Variants in ANKHD1 observed in about 807,000 individuals in gnomAD.
ANKHD1 encodes the protein ankyrin repeat and KH domain containing 1.
In ANKHD1, 31 loss-of-function variants were observed where a neutral mutation model predicts 230.5. That is an observed-to-expected ratio of 0.13 (90% CI 0.10 to 0.18). The LOEUF (loss-of-function observed/expected upper bound fraction) is 0.18. Among genes scored for constraint, ANKHD1 ranks in the 10% least tolerant of loss-of-function variants. The pLI is 1.00. For synonymous variants in ANKHD1, 1,074 were observed against 1,117.6 expected, an observed-to-expected ratio of 0.96 and a Z score of 0.78; for missense variants, 2,256 against 3,071.3, an observed-to-expected ratio of 0.73 and a Z score of 6.27.
intron 22 of ANKHD1, 126 bp downstream of exon 22, chr5:140,510,307 TTC>T: frequency 2.3e-5 from 25 of 1,097,090 alleles, no homozygotes; most frequent in South Asian, 4.8e-5. Flanking sequence ...TATCTTTCCA[TTC>T]TTTTTTTTTT....
chr5:140,431,872 C>T (rs1004009737), intron 1 of ANKHD1, among the ~76,000 whole-genome samples: 1 of 152,188 alleles, frequency 6.6e-6, no homozygotes, highest in African/African-American at 2.4e-5. Flanking sequence ...TTTGATTCTT[C>T]CCAAGCACTT....
intron 15 of ANKHD1, chr5:140,498,235 T>G (rs1255235078): frequency 6.6e-6 from 1 of 152,238 alleles, no homozygotes; most frequent in Non-Finnish European, 1.5e-5. Flanking sequence ...TTTTTTTCCT[T>G]ACTGTTGTCT....
At chr5:140,474,798 A>C (rs1380032165) in intron 10 of ANKHD1, among the ~76,000 whole-genome samples, 1 of 151,754 alleles carries the variant, frequency 6.6e-6, no homozygotes, top group Non-Finnish European at 1.5e-5. Context: ...AAGTCTTGCT[A>C]TCTTGCCCAG....
chr5:140,470,240 G>A (rs1385501583), intron 10 of ANKHD1, among the ~76,000 whole-genome samples: 2 of 149,708 alleles, frequency 1.3e-5, no homozygotes, highest in Admixed American at 6.6e-5. Flanking sequence ...TGTATCTTGT[G>A]TTAATTATTC....
chr5:140,466,672 G>A (rs766544659), intron 10 of ANKHD1, among the ~76,000 whole-genome samples: 14 of 152,124 alleles, frequency 9.2e-5, no homozygotes, highest in Non-Finnish European at 1.3e-4. Context: ...TAGGCCAGGC[G>A]CAGTGGCTCA....
intron 24 of ANKHD1, among the ~76,000 whole-genome samples, chr5:140,513,804 C>G (rs562779887): frequency 5.3e-5 from 4 of 75,580 alleles, no homozygotes; most frequent in South Asian, 5.9e-4. Flanking sequence ...GCGAGACTGT[C>G]TCAAAAAAAA....
In ANKHD1 at chr5:140,506,843, C is replaced by T; in HGVS notation, c.3417C>T (p.Asp1139=). The T allele has an allele frequency of 6.2e-7, 1 of 1,614,100 alleles. No homozygotes were observed. Among genetic ancestry groups the T allele is most frequent in the Admixed American group, 1.7e-5 (1 of 59,996 alleles). Residue 1139 remains aspartate, a synonymous_variant, in exon 19 of 34, where the codon GAC becomes GAT. Coordinates refer to ENST00000360839, the MANE Select transcript of ANKHD1 (RefSeq NM_017747.3). This position sits in a 1 kb window ranked among gnomAD's most constrained non-coding sequence, Gnocchi z 4.7. ...CATATTTTACTTTGTAGGTGGTAGA[C>T]TTGCTGCTGGCTCGAGGTGCAAATA... ...ACSGGRQEVV[D]LLLARGANKE...
In ANKHD1 at chr5:140,496,933, A is replaced by G; in HGVS notation, c.2659A>G (p.Ser887Gly). Reference sequence around the variant, plus strand: ...CTTCCCAGAAGGGGAAGGAGATGGTAGTCTCCCAGAGGATCACTTTTCAGA... The same window carrying G: ...CTTCCCAGAAGGGGAAGGAGATGGTGGTCTCCCAGAGGATCACTTTTCAGA... ...GVFPEGEGDG[S>G]LPEDHFSELP... is the part of the protein sequence containing the mutation. The change falls in exon 15 of 34, where the codon AGT becomes GGT. Residue 887 changes from serine to glycine, a missense_variant. Ser to Gly is a moderately conservative substitution (Grantham distance 56). Around this residue, in one of 13 missense-constraint regions of ANKHD1, gnomAD observed 358 missense variants for 397.7 expected, o/e 0.90. Transcript: ENST00000360839. 2 of 1,614,230 alleles carry G rather than the reference A, an allele frequency of 1.2e-6. No individual in the cohort carries two copies. Among genetic ancestry groups the G allele is most frequent in the Non-Finnish European group, 1.7e-6 (2 of 1,180,032 alleles).
At chr5:140,402,760 C>T (rs1166905596) in intron 1 of ANKHD1, among the ~76,000 whole-genome samples, 2 of 152,078 alleles carry the variant, frequency 1.3e-5, no homozygotes, top group African/African-American at 4.8e-5. Flanking sequence ...TCTTATTCTC[C>T]CTCTTCAGTT....
intron 10 of ANKHD1, among the ~76,000 whole-genome samples, chr5:140,471,202 C>G (rs998483266): frequency 6.6e-6 from 1 of 152,084 alleles, no homozygotes; most frequent in Non-Finnish European, 1.5e-5. Context: ...TATTTAGTTT[C>G]TTCTATTCTT....
rs1378536889 is a variant in ANKHD1 at position 140,419,790 on chromosome 5, CTTTCTTTCTTTCTTTCTT to C, written c.307-16312_307-16295del. On this transcript the variant is annotated intron_variant, in intron 1 of 33. Transcript: ENST00000360839. ...TTCCTTTCTTTTTCTTTCTTTCTTT[CTTTCTTTCTTTCTTTCTT>C]TCTTTCTTTCTTTCTTTCTTTCTTT... is the stretch of plus-strand genomic sequence containing the variant. Among the ~76,000 whole-genome samples the C allele has an allele frequency of 9.6e-3, 1,275 of 132,420 alleles. 23 individuals carry two copies. Among genetic ancestry groups the C allele is most frequent in the Non-Finnish European group, 0.013 (812 of 63,892 alleles). The allele number at this position is 132,420 out of a possible 152,430, so 86.9% of individuals were successfully genotyped here.
chr5:140,402,374 C>T (rs2126825713), intron 1 of ANKHD1, 101 bp downstream of exon 1: 4 of 1,359,640 alleles, frequency 2.9e-6, no homozygotes, highest in Non-Finnish European at 3.8e-6. Flanking sequence ...TGGTGGAGCC[C>T]TTCTGTGACA....
rs1162997125 is a variant in ANKHD1 at position 140,538,239 on chromosome 5, G to C, written c.7382G>C (p.Ser2461Thr). 2.5e-6 allele frequency: 4 copies of C among 1,612,482 alleles called. No individual in the cohort carries two copies. The highest frequency in any genetic ancestry group is 2.7e-5 in the African/African-American group (2 of 74,846). Reference sequence around the variant, plus strand: ...AACATTTTTCATCAGCCTATGGCAAGTGGTTTTGTGGATTTTTCTAAAGTG... The same window carrying C: ...AACATTTTTCATCAGCCTATGGCAACTGGTTTTGTGGATTTTTCTAAAGTG... ...PSNIFHQPMA[S>T]GFVDFSKGLP... Residue 2461 changes from serine (S) to threonine (T), a missense_variant, in exon 32 of 34, where the codon AGT becomes ACT. Physicochemically the swap from Ser to Thr is moderately conservative, Grantham distance 58 (BLOSUM62 1). Around this residue, in one of 13 missense-constraint regions of ANKHD1, gnomAD observed 778 missense variants for 966.5 expected, o/e 0.80. Transcript: ENST00000360839.
intron 1 of ANKHD1, among the ~76,000 whole-genome samples, chr5:140,422,280 G>A (rs1772043220): frequency 6.6e-6 from 1 of 151,594 alleles, no homozygotes; most frequent in African/African-American, 2.4e-5. Flanking sequence ...CCACCACCAC[G>A]CCCGGCTAAT....
intron 1 of ANKHD1, among the ~76,000 whole-genome samples, chr5:140,435,811 A>C (rs908946857): frequency 1.8e-4 from 28 of 152,156 alleles, no homozygotes; most frequent in African/African-American, 6.5e-4. Context: ...CTAGGATCAC[A>C]GGCGTGGGCC....
intron 10 of ANKHD1, among the ~76,000 whole-genome samples, chr5:140,480,397 T>A (rs1751219992): frequency 6.6e-6 from 1 of 152,116 alleles, no homozygotes; most frequent in African/African-American, 2.4e-5. Context: ...AGTTATTTTT[T>A]AAAGTTTATT....
chr5:140,509,366 A>G (rs547820570), intron 20 of ANKHD1, among the ~76,000 whole-genome samples: 63 of 152,354 alleles, frequency 4.1e-4, no homozygotes, highest in Non-Finnish European at 5.3e-4. Flanking sequence ...GTAAATTCAC[A>G]AAAGTATAGA....
chr5:140,435,632 G>A (rs1358084253), intron 1 of ANKHD1, among the ~76,000 whole-genome samples: 2 of 152,004 alleles, frequency 1.3e-5, no homozygotes, highest in Non-Finnish European at 2.9e-5. Context: ...CCCTGCCTCA[G>A]CCTTCCAAAG....
Position 140,528,558 on chromosome 5 carries a change from G to A in ANKHD1, c.5612G>A (p.Arg1871His), listed in dbSNP as rs1207639009. 6.2e-7 allele frequency: 1 copy of A among 1,614,024 alleles called. No homozygotes were observed. Among genetic ancestry groups the A allele is most frequent in the Non-Finnish European group, 8.5e-7 (1 of 1,180,018 alleles). ...AQTMQQIRHP[R>H]LPMAQFGGTF... ...ACTATGCAACAGATTCGGCATCCTC[G>A]CTTACCCATGGCCCAGTTTGGAGGA... The change falls in exon 29 of 34, where the codon CGC (arginine) becomes CAC (histidine). Residue 1871 changes from arginine (R) to histidine (H), a missense_variant. Arg to His is a conservative substitution (Grantham distance 29). Transcript: ENST00000360839.
Sources: gnomAD v4.1 joint callset for allele counts (sites outside exome capture counted in the v4.1 genomes callset) on GRCh38, gnomAD v4.1.1 for gene constraint, gnomAD v4.1.1 regional missense constraint, Gnocchi (gnomAD v3.1) non-coding constraint, MANE v1.5 for transcripts, NCBI Gene and HGNC (gene_info 2026-07-23, HGNC 2026-07-21) for gene names.